TAF4B: variants seen among roughly 807,000 people sequenced by gnomAD.
TAF4B encodes the protein transcription initiation factor TFIID subunit 4B.
TAF4B carries 38 observed loss-of-function variants against 86.4 expected under a neutral mutation model. That is an observed-to-expected ratio of 0.44 (90% CI 0.34 to 0.58). The LOEUF is 0.58. TAF4B is among the 20% of genes least tolerant of loss of function. The pLI, the probability that TAF4B is intolerant of heterozygous loss-of-function variation, is 0.02. For missense variants in TAF4B, 988 were observed against 1,027.6 expected (o/e 0.96, Z 0.53); for synonymous variants, 388 against 391.2 (o/e 0.99, Z 0.10).
intron 9 of TAF4B, chr18:26,304,925 CTACT>C (rs2056778944): frequency 2.1e-6 from 2 of 957,062 alleles, no homozygotes; most frequent in African/African-American, 3.5e-5. Flanking sequence ...TATCTGTTGA[CTACT>C]TATTGCTTTC....
chr18:26,262,160 A>T (rs944759458), intron 1 of TAF4B, among the ~76,000 whole-genome samples: 3 of 147,396 alleles, frequency 2.0e-5, no homozygotes, highest in Non-Finnish European at 4.5e-5. Context: ...GAACCCTAAG[A>T]TGCACCTGTC....
chr18:26,309,245 A>ATTTTTTTTTTTTTTTTTTTT (rs59457633), intron 9 of TAF4B, among the ~76,000 whole-genome samples: 1 of 84,552 alleles, frequency 1.2e-5, no homozygotes, highest in African/African-American at 3.9e-5. Context: ...ACCTGACAGT[A>ATTTTTTTTTTTTTTTTTTTT]TTTTTTTTTT....
chr18:26,329,048 CCTCTTT>C (rs1278121227), intron 12 of TAF4B, among the ~76,000 whole-genome samples: 1 of 151,780 alleles, frequency 6.6e-6, no homozygotes, highest in Non-Finnish European at 1.5e-5. Flanking sequence ...ACCTTTCTTT[CCTCTTT>C]CTCTTTCCTT....
intron 1 of TAF4B, among the ~76,000 whole-genome samples, chr18:26,261,516 G>C (rs1242518406): frequency 1.3e-5 from 2 of 152,166 alleles, no homozygotes; most frequent in Non-Finnish European, 2.9e-5. Context: ...GTCATCTTTA[G>C]CAGGACTCTG....
chr18:26,313,410 A>G (rs1411127893), intron 9 of TAF4B, among the ~76,000 whole-genome samples: 1 of 152,212 alleles, frequency 6.6e-6, no homozygotes, highest in Non-Finnish European at 1.5e-5. Flanking sequence ...AAATCTGGAC[A>G]CATTGATTTA....
intron 1 of TAF4B, among the ~76,000 whole-genome samples, chr18:26,258,448 C>T (rs765296169): frequency 6.6e-6 from 1 of 152,082 alleles, no homozygotes; most frequent in African/African-American, 2.4e-5. Flanking sequence ...ATTTTACATT[C>T]CTGTATGTTA....
At chr18:26,280,105 T>A (rs970963393) in intron 5 of TAF4B, among the ~76,000 whole-genome samples, 1 of 151,730 alleles carries the variant, frequency 6.6e-6, no homozygotes, top group Non-Finnish European at 1.5e-5. Context: ...GATAACTCAT[T>A]ATCTATGTGC....
At chr18:26,232,100 C>G (rs2055680398) in intron 1 of TAF4B, among the ~76,000 whole-genome samples, 1 of 152,072 alleles carries the variant, frequency 6.6e-6, no homozygotes. Context: ...CTACAGAGCA[C>G]TGATTGGTGT....
At chr18:26,262,071 G>C (rs1429483219) in intron 1 of TAF4B, among the ~76,000 whole-genome samples, 1 of 152,170 alleles carries the variant, frequency 6.6e-6, no homozygotes, top group Admixed American at 6.5e-5. Context: ...GACACTTGAG[G>C]TCCAAGTGTT....
chr18:26,369,260 A>G (rs939580839), intron 14 of TAF4B, among the ~76,000 whole-genome samples: 1 of 152,220 alleles, frequency 6.6e-6, no homozygotes, highest in African/African-American at 2.4e-5. Flanking sequence ...ATATTTTGCA[A>G]CCGTTACACT....
chr18:26,259,476 C>T (rs1348086025), intron 1 of TAF4B, among the ~76,000 whole-genome samples: 1 of 151,510 alleles, frequency 6.6e-6, no homozygotes, highest in African/African-American at 2.4e-5. Flanking sequence ...ATGTTCCCCA[C>T]CCTGTGTCCA....
At chr18:26,252,053 T>A (rs909407792) in intron 1 of TAF4B, among the ~76,000 whole-genome samples, 1 of 152,226 alleles carries the variant, frequency 6.6e-6, no homozygotes, top group African/African-American at 2.4e-5. Flanking sequence ...TTGGTTCCTT[T>A]AACAATCCAG....
intron 13 of TAF4B, among the ~76,000 whole-genome samples, chr18:26,342,722 T>G (rs1039237711): frequency 1.3e-5 from 2 of 152,240 alleles, no homozygotes; most frequent in Admixed American, 6.5e-5. Flanking sequence ...CCTTGAATTT[T>G]AGAGACTTCT....
chr18:26,244,696 C>G (rs984808627), intron 1 of TAF4B, among the ~76,000 whole-genome samples: 6 of 152,146 alleles, frequency 3.9e-5, no homozygotes, highest in Non-Finnish European at 8.8e-5. Flanking sequence ...ATTCGGCCAT[C>G]TTGGAACCTC....
At chr18:26,376,296 G>A (rs890765979) in intron 14 of TAF4B, among the ~76,000 whole-genome samples, 1 of 150,826 alleles carries the variant, frequency 6.6e-6, no homozygotes, top group Admixed American at 6.6e-5. Context: ...AATTTGGGTA[G>A]TATTGCCAAC....
At chr18:26,377,168 A>G (rs1389954254) in intron 14 of TAF4B, among the ~76,000 whole-genome samples, 1 of 152,140 alleles carries the variant, frequency 6.6e-6, no homozygotes, top group Non-Finnish European at 1.5e-5. Flanking sequence ...TTGTTTAGGT[A>G]TCAGAGTAAT....
chr18:26,276,681 T>G (rs998045782), intron 5 of TAF4B, among the ~76,000 whole-genome samples: 1 of 152,194 alleles, frequency 6.6e-6, no homozygotes, highest in African/African-American at 2.4e-5. Flanking sequence ...TACTAACAAA[T>G]TTTTAATTCA....
intron 1 of TAF4B, among the ~76,000 whole-genome samples, chr18:26,256,517 C>G (rs2056086768): frequency 6.6e-6 from 1 of 151,986 alleles, no homozygotes. Flanking sequence ...TGCCCCTGCT[C>G]TTAATCTTTA....
intron 6 of TAF4B, among the ~76,000 whole-genome samples, chr18:26,283,926 T>G (rs150353673): frequency 6.6e-6 from 1 of 152,078 alleles, no homozygotes; most frequent in Non-Finnish European, 1.5e-5. Context: ...TGGTGGCGCA[T>G]GCCTATAGTC....
Sources: gnomAD v4.1 joint callset for allele counts (sites outside exome capture counted in the v4.1 genomes callset) on GRCh38, gnomAD v4.1.1 for gene constraint, MANE v1.5 for transcripts, NCBI Gene and HGNC (gene_info 2026-07-23, HGNC 2026-07-21) for gene names.